WDR86: variants seen among roughly 807,000 people sequenced by gnomAD.
WDR86 encodes the protein WD repeat domain 86, also known as WD repeat-containing protein 86.
A neutral mutation model predicts 36.5 loss-of-function variants in WDR86; 30 were observed. The ratio of observed to expected loss-of-function variants is 0.82; its 90% CI spans 0.61 to 1.11. The LOEUF (loss-of-function observed/expected upper bound fraction) is 1.11, where lower values mean the gene tolerates loss of function less well. Among genes scored for constraint, WDR86 ranks in the 50% most tolerant of loss-of-function variants. WDR86 has a pLI of 0.00. For missense variants in WDR86, 545 were observed against 561.2 expected, an observed-to-expected ratio of 0.97 and a Z score of 0.29; for synonymous variants, 255 against 252.9, an observed-to-expected ratio of 1.01 and a Z score of -0.08.
chr7:151,371,171 G>C (rs1797940329), downstream of WDR86, among the ~76,000 whole-genome samples: 2 of 152,174 alleles, frequency 1.3e-5, no homozygotes, highest in African/African-American at 4.8e-5. Context: ...TGTTAGTTAC[G>C]ATGCCTTTGG....
chr7:151,376,593 G>A (rs1400107535), downstream of WDR86: 1 of 1,543,296 alleles, frequency 6.5e-7, no homozygotes, highest in South Asian at 1.2e-5. Flanking sequence ...GGCAGAAGAG[G>A]CGCCAGGGGC....
At chr7:151,404,080 G>A (rs550256349) in intron 1 of WDR86, among the ~76,000 whole-genome samples, 1 of 152,352 alleles carries the variant, frequency 6.6e-6, no homozygotes, top group East Asian at 1.9e-4. Context: ...ACTGAAGCCT[G>A]AAGCCAGGGA....
intron 1 of WDR86, among the ~76,000 whole-genome samples, chr7:151,400,873 C>T (rs1161154792): frequency 6.6e-6 from 1 of 152,246 alleles, no homozygotes; most frequent in Non-Finnish European, 1.5e-5. Flanking sequence ...GCAAAGCTAT[C>T]TTCAGTAGGG....
upstream of WDR86, chr7:151,410,132 C>T (rs144505757): frequency 1.6e-3 from 1,550 of 951,044 alleles, 18 homozygotes; most frequent in African/African-American, 0.024. Flanking sequence ...CCTGCAGCCT[C>T]CCCCCTTCGT....
downstream of WDR86, among the ~76,000 whole-genome samples, chr7:151,380,003 A>G (rs1187601550): frequency 6.6e-6 from 1 of 152,196 alleles, no homozygotes; most frequent in African/African-American, 2.4e-5. Flanking sequence ...TCTGGTAGGT[A>G]TGCCCCTTGT....
intron 1 of WDR86, chr7:151,408,919 G>C: frequency 2.1e-6 from 1 of 471,664 alleles, no homozygotes; most frequent in Non-Finnish European, 4.4e-6. Flanking sequence ...GTCTGTATGT[G>C]GGGTAACATA....
chr7:151,408,545 G>A, intron 1 of WDR86: 1 of 202,914 alleles, frequency 4.9e-6, no homozygotes, highest in Non-Finnish European at 1.0e-5. Flanking sequence ...CCAATATTGG[G>A]GCTAATATCC....
chr7:151,374,443 G>A, downstream of WDR86: 1 of 686,370 alleles, frequency 1.5e-6, no homozygotes, highest in African/African-American at 1.8e-5. Context: ...CTCAGTGCTT[G>A]GCCCAGGCCT....
At chr7:151,382,384 T>A (rs1798667206) in intron 4 of WDR86, among the ~76,000 whole-genome samples, 1 of 152,030 alleles carries the variant, frequency 6.6e-6, no homozygotes, top group Non-Finnish European at 1.5e-5. Flanking sequence ...GGCACTCAAA[T>A]CAAAGCCCAG....
Position 151,409,342 on chromosome 7 carries a change from G to A in WDR86, c.163+85C>T. ...AGCGGGGGCTGGACTTCTAGAAAGG[G>A]GTCTGCGGGCGCAGGAGCTGGGGTC... On this transcript the variant is annotated intron_variant, in intron 1 of 5. Coordinates refer to ENST00000334493, the MANE Select transcript of WDR86 (RefSeq NM_198285.3). The surrounding 1 kb of genome is among the most constrained non-coding windows in gnomAD (Gnocchi z 5.2). The A allele has an allele frequency of 2.0e-6, 3 of 1,524,336 alleles. No homozygotes were observed. The highest frequency in any genetic ancestry group is 2.7e-6 in the Non-Finnish European group (3 of 1,126,946). The allele number at this position is 1,524,336 out of a possible 1,614,324, so 94.4% of individuals were successfully genotyped here. A position where few individuals can be genotyped will look rare whatever the true frequency, so the allele number is the denominator to read the frequency against.
intron 3 of WDR86, among the ~76,000 whole-genome samples, 199 bp downstream of exon 3, chr7:151,395,577 G>A (rs539365008): frequency 6.6e-6 from 1 of 152,158 alleles, no homozygotes; most frequent in South Asian, 2.1e-4. Context: ...GTTAAGGAGA[G>A]GCCTCACGGA....
downstream of WDR86, chr7:151,376,379 C>T (rs1393310387): frequency 2.9e-5 from 15 of 514,426 alleles, no homozygotes; most frequent in African/African-American, 5.7e-5. Flanking sequence ...GCTGGTGTGG[C>T]GCCCTGCTCT....
At chr7:151,391,266 G>A (rs574785802) in intron 3 of WDR86, among the ~76,000 whole-genome samples, 1 of 152,226 alleles carries the variant, frequency 6.6e-6, no homozygotes, top group Non-Finnish European at 1.5e-5. Context: ...CCTGCTTCCC[G>A]GATCTGCTCA....
intron 3 of WDR86, among the ~76,000 whole-genome samples, chr7:151,389,118 CTTT>C (rs34882878): frequency 1.5e-4 from 19 of 125,546 alleles, no homozygotes; most frequent in Non-Finnish European, 1.8e-4. Flanking sequence ...CTTTTCTTTC[CTTT>C]TTTTTTTTTT....
intron 3 of WDR86, among the ~76,000 whole-genome samples, chr7:151,386,214 T>C (rs1798970450): frequency 6.6e-6 from 1 of 152,098 alleles, no homozygotes; most frequent in South Asian, 2.1e-4. Context: ...AACACGTCCC[T>C]CCTAACCTTC....
intron 1 of WDR86, among the ~76,000 whole-genome samples, chr7:151,407,325 G>T (rs1800778110): frequency 6.6e-6 from 1 of 152,242 alleles, no homozygotes; most frequent in African/African-American, 2.4e-5. Context: ...ACACAGAGCT[G>T]GGCAGGAGGG....
At chr7:151,389,430 C>T (rs10262314) in intron 3 of WDR86, among the ~76,000 whole-genome samples, 2,186 of 152,320 alleles carry the variant, frequency 0.014, 45 homozygotes, top group African/African-American at 0.048. Context: ...AGCTCAAACG[C>T]ACCATCGCCG....
intron 3 of WDR86, among the ~76,000 whole-genome samples, chr7:151,393,525 C>T (rs1182253157): frequency 6.6e-6 from 1 of 152,164 alleles, no homozygotes; most frequent in African/African-American, 2.4e-5. Context: ...CCAGCACCAG[C>T]CTCCACCTGG....
chr7:151,398,125 CAT>C (rs1336168431), intron 2 of WDR86, among the ~76,000 whole-genome samples: 11 of 152,158 alleles, frequency 7.2e-5, no homozygotes, highest in Non-Finnish European at 1.2e-4. Flanking sequence ...AACATGTGTG[CAT>C]ATGTGTATAT....
Sources: gnomAD v4.1 joint callset for allele counts (sites outside exome capture counted in the v4.1 genomes callset) on GRCh38, gnomAD v4.1.1 for gene constraint, Gnocchi (gnomAD v3.1) non-coding constraint, MANE v1.5 for transcripts, NCBI Gene and HGNC (gene_info 2026-07-23, HGNC 2026-07-21) for gene names.